NCAM1: variants seen among roughly 807,000 people sequenced by gnomAD.
NCAM1 encodes the protein antigen recognized by monoclonal antibody 5.1H11.
NCAM1 carries 14 observed loss-of-function variants against 109.8 expected under a neutral mutation model. The ratio of observed to expected loss-of-function variants is 0.13; its 90% confidence interval spans 0.08 to 0.20. The LOEUF (loss-of-function observed/expected upper bound fraction) is 0.20, where lower values mean the gene tolerates loss of function less well. Ranked by LOEUF, NCAM1 falls within the 10% of genes least tolerant of loss-of-function variation. The pLI, the probability that NCAM1 is intolerant of heterozygous loss-of-function variation, is 1.00. For missense variants in NCAM1, 774 were observed against 1,109.9 expected (o/e 0.70, Z 4.30); for synonymous variants, 418 against 442.9 (o/e 0.94, Z 0.70).
At chr11:113,205,192 A>C (rs1026555072) in intron 3 of NCAM1, among the ~76,000 whole-genome samples, 1 of 152,244 alleles carries the variant, frequency 6.6e-6, no homozygotes, top group Non-Finnish European at 1.5e-5. Flanking sequence ...ATGTTCCACC[A>C]GTTCATTCTA....
chr11:113,082,905 T>A (rs1265713219), intron 1 of NCAM1, among the ~76,000 whole-genome samples: 1 of 152,228 alleles, frequency 6.6e-6, no homozygotes, highest in Non-Finnish European at 1.5e-5. Flanking sequence ...TCTATAGTAC[T>A]GTGAGGAGGG....
chr11:113,191,779 A>G (rs1010965721), intron 1 of NCAM1, among the ~76,000 whole-genome samples: 39 of 149,064 alleles, frequency 2.6e-4, no homozygotes, highest in African/African-American at 9.0e-4. Context: ...GTGTGTATAT[A>G]TATATATATA....
At chr11:113,201,585 C>T (rs1944063486) in intron 1 of NCAM1, among the ~76,000 whole-genome samples, 1 of 152,200 alleles carries the variant, frequency 6.6e-6, no homozygotes, top group South Asian at 2.1e-4. Flanking sequence ...AGCAGATGAA[C>T]ACAGGGATCT....
chr11:113,095,564 G>A (rs959421294), intron 1 of NCAM1, among the ~76,000 whole-genome samples: 2 of 152,222 alleles, frequency 1.3e-5, no homozygotes, highest in African/African-American at 2.4e-5. Flanking sequence ...GGAAGCCATG[G>A]GGGGACCACA....
At chr11:113,131,565 T>C (rs1346850872) in intron 1 of NCAM1, among the ~76,000 whole-genome samples, 1 of 152,194 alleles carries the variant, frequency 6.6e-6, no homozygotes, top group Non-Finnish European at 1.5e-5. Context: ...AGTGAAGTCA[T>C]CATAACAGAT....
At position 113,158,186 on chromosome 11, in the gene NCAM1, A is replaced by T. The variant is rs782225575; in HGVS notation, c.53-44193A>T. On this transcript the variant is annotated intron_variant, in intron 1 of 19. Transcript: ENST00000316851. ...AAAATTGTTAAGCTTATGTTGGTAGATATGAGTTTCCAAAAAGCAATTCTT... is the reference window on the plus strand; with the variant it reads ...AAAATTGTTAAGCTTATGTTGGTAGTTATGAGTTTCCAAAAAGCAATTCTT... Among the ~76,000 whole-genome samples the T allele has an allele frequency of 9.9e-5, 15 of 152,198 alleles. 1 individual carries two copies. The South Asian group carries it at 1.0e-3, about 10-fold the overall frequency.
intron 1 of NCAM1, among the ~76,000 whole-genome samples, chr11:112,973,457 C>T (rs1273692079): frequency 6.6e-6 from 1 of 152,090 alleles, no homozygotes; most frequent in East Asian, 1.9e-4. Context: ...ATCTTTCTTT[C>T]TTTCTGAATT....
chr11:113,014,433 C>T (rs1952155918), intron 1 of NCAM1, among the ~76,000 whole-genome samples: 1 of 152,106 alleles, frequency 6.6e-6, no homozygotes, highest in African/African-American at 2.4e-5. Flanking sequence ...AAGTTATTCC[C>T]ATAGGGCTCA....
At chr11:113,026,441 G>T (rs1455626115) in intron 1 of NCAM1, among the ~76,000 whole-genome samples, 1 of 152,144 alleles carries the variant, frequency 6.6e-6, no homozygotes, top group African/African-American at 2.4e-5. Context: ...CCTGCATGCC[G>T]TGTAGACACA....
At chr11:113,098,770 C>T (rs1238473665) in intron 1 of NCAM1, among the ~76,000 whole-genome samples, 1 of 152,122 alleles carries the variant, frequency 6.6e-6, no homozygotes, top group African/African-American at 2.4e-5. Flanking sequence ...GAGCACAGTG[C>T]GTTCCAGTTT....
chr11:112,999,336 C>T (rs1951683431), intron 1 of NCAM1, among the ~76,000 whole-genome samples: 1 of 151,796 alleles, frequency 6.6e-6, no homozygotes, highest in African/African-American at 2.4e-5. Flanking sequence ...ATTTATATTC[C>T]ATATTGTTCA....
At chr11:113,245,307 T>C (rs2137433270) in intron 14 of NCAM1, among the ~76,000 whole-genome samples, 1 of 152,206 alleles carries the variant, frequency 6.6e-6, no homozygotes, top group South Asian at 2.1e-4. Context: ...CTGGGTATAG[T>C]AGCAGACGCC....
chr11:113,045,001 G>A (rs1338998485), intron 1 of NCAM1, among the ~76,000 whole-genome samples: 2 of 152,088 alleles, frequency 1.3e-5, no homozygotes, highest in African/African-American at 4.8e-5. Context: ...TGATCCGCCC[G>A]CCTCGGCCTC....
chr11:113,078,964 G>A (rs1481979966), intron 1 of NCAM1, among the ~76,000 whole-genome samples: 1 of 152,170 alleles, frequency 6.6e-6, no homozygotes, highest in Non-Finnish European at 1.5e-5. Flanking sequence ...GAGTTCCTCC[G>A]AGCCGGGCTG....
intron 14 of NCAM1, chr11:113,246,150 T>C (rs1171080459): frequency 1.8e-6 from 1 of 570,726 alleles, no homozygotes; most frequent in African/African-American, 1.9e-5. Flanking sequence ...GTTTCCTATA[T>C]ATGCTGCTAA....
chr11:113,016,888 C>G (rs1952220663), intron 1 of NCAM1, among the ~76,000 whole-genome samples: 1 of 152,198 alleles, frequency 6.6e-6, no homozygotes, highest in Non-Finnish European at 1.5e-5. Flanking sequence ...CATGCACCGG[C>G]AAAACATTAG....
At chr11:113,116,145 G>A (rs113185400) in intron 1 of NCAM1, among the ~76,000 whole-genome samples, 23 of 152,260 alleles carry the variant, frequency 1.5e-4, no homozygotes, top group African/African-American at 5.3e-4. Context: ...CACCTCCTTC[G>A]CCTAAGTGGT....
At chr11:113,000,656 T>C (rs185804823) in intron 1 of NCAM1, among the ~76,000 whole-genome samples, 1 of 151,902 alleles carries the variant, frequency 6.6e-6, no homozygotes, top group Admixed American at 6.6e-5. Context: ...TCAGAATGGC[T>C]GTTATATTGA....
In NCAM1 at chr11:113,273,046, C is replaced by T. The variant is rs1591479051; in HGVS notation, c.2456+1170C>T. On this transcript the variant is annotated intron_variant, in intron 19 of 19. Transcript: ENST00000316851. The surrounding 1 kb of genome is among the most constrained non-coding windows in gnomAD (Gnocchi z 6.0). ...TTTGCCACTGCTCAGAACAGCCCCACCAGTGAGACCACCACCCTGACCTCC... is the reference window on the plus strand; with the variant it reads ...TTTGCCACTGCTCAGAACAGCCCCATCAGTGAGACCACCACCCTGACCTCC... 3 of 456,922 alleles carry T rather than the reference C, an allele frequency of 6.6e-6. No homozygotes were observed. Among genetic ancestry groups the T allele is most frequent in the Middle Eastern group, 3.3e-4 (1 of 3,076 alleles). The allele number at this position is 456,922 out of a possible 1,614,324, so 28.3% of individuals were successfully genotyped here.
Sources: allele counts gnomAD v4.1 joint callset (sites outside exome capture counted in the v4.1 genomes callset), GRCh38; gene constraint gnomAD v4.1.1; non-coding constraint Gnocchi (gnomAD v3.1); transcripts MANE v1.5; gene names NCBI Gene and HGNC (gene_info 2026-07-23, HGNC 2026-07-21).